STAT4: variants seen among roughly 807,000 people sequenced by gnomAD.
STAT4 encodes signal transducer and activator of transcription 4.
Under a neutral mutation model 110.5 loss-of-function variants are expected in STAT4, and 42 were observed. The observed-to-expected ratio is 0.38, with a 90% confidence interval of 0.30 to 0.49. The LOEUF is 0.49. Ranked by LOEUF, STAT4 falls within the 20% of genes least tolerant of loss-of-function variation. STAT4 has a pLI of 0.95. For synonymous variants in STAT4, 284 were observed against 302.2 expected (o/e 0.94, Z 0.63); for missense variants, 632 against 887.9 (o/e 0.71, Z 3.66).
At chr2:191,102,882 A>G (rs1195111750) in intron 3 of STAT4, among the ~76,000 whole-genome samples, 1 of 151,932 alleles carries the variant, frequency 6.6e-6, no homozygotes, top group Non-Finnish European at 1.5e-5. Flanking sequence ...TCTCATTTCC[A>G]TATACTATTT....
intron 3 of STAT4, among the ~76,000 whole-genome samples, chr2:191,085,864 C>CT (rs1436087427): frequency 1.3e-5 from 2 of 152,064 alleles, no homozygotes; most frequent in Non-Finnish European, 2.9e-5. Context: ...AATTTTATTA[C>CT]TTTTTTTGTT....
At chr2:191,130,776 A>G (rs1397980331) in intron 3 of STAT4, among the ~76,000 whole-genome samples, 1 of 151,668 alleles carries the variant, frequency 6.6e-6, no homozygotes, top group Non-Finnish European at 1.5e-5. Flanking sequence ...AAAGCCTGTT[A>G]TAATTTATAT....
intron 3 of STAT4, among the ~76,000 whole-genome samples, chr2:191,089,272 A>C (rs12612769): frequency 0.17 from 26,216 of 152,188 alleles, 2,692 homozygotes; most frequent in East Asian, 0.33. Flanking sequence ...TCACCAAAGA[A>C]GATATATAGA....
At chr2:191,034,525 G>T (rs1203842317) in intron 18 of STAT4, 23 bp downstream of exon 18, 8 of 1,590,620 alleles carry the variant, frequency 5.0e-6, no homozygotes, top group Non-Finnish European at 6.9e-6. Context: ...GTATCTAAAT[G>T]ATGTTTCCCC....
intron 3 of STAT4, among the ~76,000 whole-genome samples, chr2:191,101,213 GA>G (rs557896028): frequency 1.4e-3 from 210 of 152,076 alleles, no homozygotes; most frequent in Admixed American, 2.3e-3. Context: ...AAATAACTGA[GA>G]AAAAATCACC....
In STAT4 at chr2:191,131,755, A is replaced by C. The variant is rs1250881164; in HGVS notation, c.273+14858T>G. On this transcript the variant is annotated intron_variant, in intron 3 of 23. Coordinates refer to ENST00000392320, the MANE Select transcript of STAT4 (RefSeq NM_003151.4). ...GTATTAGAAGGAATAGATGGGTACT[A>C]AATTCCTGTATCTTGGTTTCCTCAA... 8.5e-6 allele frequency: 11 copies of C among 1,286,830 alleles called. No homozygotes were observed. In the South Asian group the frequency reaches 1.1e-4, roughly 12 times the overall value. 79.7% of individuals were successfully genotyped at this position (1,286,830 alleles called of 1,614,324 possible). A position where few individuals can be genotyped will look rare whatever the true frequency, so the allele number is the denominator to read the frequency against.
intron 2 of STAT4, 22 bp downstream of exon 2, chr2:191,148,054 G>C (rs747322182): frequency 6.2e-7 from 1 of 1,612,706 alleles, no homozygotes; most frequent in South Asian, 1.1e-5. Context: ...TCAACTTCTA[G>C]GGAAAATATG....
chr2:191,064,591 C>G (rs1696934642), intron 8 of STAT4, among the ~76,000 whole-genome samples: 1 of 152,214 alleles, frequency 6.6e-6, no homozygotes, highest in Middle Eastern at 3.2e-3. Flanking sequence ...GAAAATTAAG[C>G]ATTCAATGGA....
chr2:191,056,304 A>C (rs1489765896), intron 13 of STAT4, among the ~76,000 whole-genome samples: 1 of 152,202 alleles, frequency 6.6e-6, no homozygotes, highest in African/African-American at 2.4e-5. Context: ...TGGGAATCTT[A>C]AGAATTATGC....
At chr2:191,079,037 G>A (rs1313153532) in intron 3 of STAT4, among the ~76,000 whole-genome samples, 1 of 151,886 alleles carries the variant, frequency 6.6e-6, no homozygotes, top group Non-Finnish European at 1.5e-5. Flanking sequence ...GCTCTGCTGG[G>A]CCAGCTCTGT....
At position 191,043,375 on chromosome 2, in the gene STAT4, A is replaced by G. The variant is rs186901732; in HGVS notation, c.1252-2227T>C. Among the ~76,000 whole-genome samples the G allele has an allele frequency of 2.0e-4, 30 of 152,240 alleles. No homozygotes were observed. Among genetic ancestry groups the G allele is most frequent in the Non-Finnish European group, 1.5e-4 (10 of 68,036 alleles). On this transcript the variant is annotated intron_variant, in intron 14 of 23. Transcript: ENST00000392320. This position sits in a 1 kb window ranked among gnomAD's most constrained non-coding sequence, Gnocchi z 4.8. ...GAATTAATATATGAACTGCAGCAAC[A>G]AACTAACACAAGTTCTGGAAAGAGA...
At position 191,144,441 on chromosome 2, in the gene STAT4, G is replaced by A. The variant is rs1169686649; in HGVS notation, c.273+2172C>T. On this transcript the variant is annotated intron_variant, in intron 3 of 23. Transcript: ENST00000392320. The surrounding 1 kb of genome is among the most constrained non-coding windows in gnomAD (Gnocchi z 4.7). The stretch of plus-strand genomic sequence containing the variant: ...TGAGTCATTCAAGAGTGTGTGTGAC[G>A]TGTTCAGGAACAAGTAGTAGATCTA... Among the ~76,000 whole-genome samples, 2 of 152,116 alleles carry A rather than the reference G, an allele frequency of 1.3e-5. No individual in the cohort carries two copies. Among genetic ancestry groups the A allele is most frequent in the African/African-American group, 2.4e-5 (1 of 41,406 alleles).
chr2:191,143,021 A>G lies in STAT4; in HGVS notation c.273+3592T>C, dbSNP rs1699376894. On this transcript the variant is annotated intron_variant, in intron 3 of 23. Coordinates refer to ENST00000392320, the MANE Select transcript of STAT4 (RefSeq NM_003151.4). The surrounding 1 kb of genome is among the most constrained non-coding windows in gnomAD (Gnocchi z 5.6). ...CAATATTATTTCGTCAACTGTCACA[A>G]ATGTATGCTACCAATGCAAGACATG... is the stretch of plus-strand genomic sequence containing the variant. Among the ~76,000 whole-genome samples the G allele has an allele frequency of 6.6e-6, 1 of 152,206 alleles. No homozygotes were observed. The highest frequency in any genetic ancestry group is 1.5e-5 in the Non-Finnish European group (1 of 68,036).
intron 3 of STAT4, among the ~76,000 whole-genome samples, chr2:191,092,262 G>A (rs1697820071): frequency 6.6e-6 from 1 of 152,080 alleles, no homozygotes; most frequent in Non-Finnish European, 1.5e-5. Flanking sequence ...AAATTAGCCA[G>A]GCATGGTGGC....
chr2:191,034,814 C>A (rs1347064122), intron 17 of STAT4, among the ~76,000 whole-genome samples: 2 of 151,982 alleles, frequency 1.3e-5, no homozygotes, highest in Non-Finnish European at 2.9e-5. Context: ...GGTGGAGGAG[C>A]TAACAATGGC....
chr2:191,121,774 G>C (rs1698739273), intron 3 of STAT4, among the ~76,000 whole-genome samples: 1 of 145,952 alleles, frequency 6.9e-6, no homozygotes, highest in South Asian at 2.3e-4. Context: ...CCTGTTGTGG[G>C]GTGGGGGGAA....
chr2:191,065,564 T>A (rs3024847), intron 7 of STAT4, among the ~76,000 whole-genome samples: 68,153 of 152,048 alleles, frequency 0.45, 18,731 homozygotes, highest in Non-Finnish European at 0.6. Context: ...TTGTCAAAGT[T>A]CCTTCTCTTT....
Position 191,066,697 on chromosome 2 carries a change from G to A in STAT4, c.545-182C>T, listed in dbSNP as rs1164531033. On this transcript the variant is annotated intron_variant, in intron 6 of 23. Transcript: ENST00000392320. The surrounding 1 kb of genome is among the most constrained non-coding windows in gnomAD (Gnocchi z 4.3). ...TTTTGCCAGGGAGAATCACATCCAA[G>A]CATGCAAAAAAGGACCTCTTTATTT... Among the ~76,000 whole-genome samples the A allele has an allele frequency of 2.6e-5, 4 of 151,950 alleles. No homozygotes were observed. Among genetic ancestry groups the A allele is most frequent in the Admixed American group, 1.3e-4 (2 of 15,250 alleles).
At chr2:191,056,388 G>C (rs1318853054) in intron 13 of STAT4, among the ~76,000 whole-genome samples, 1 of 152,158 alleles carries the variant, frequency 6.6e-6, no homozygotes, top group Non-Finnish European at 1.5e-5. Context: ...ACAGGATGAG[G>C]CTGGGTCAGA....
Sources: allele counts gnomAD v4.1 joint callset (sites outside exome capture counted in the v4.1 genomes callset), GRCh38; gene constraint gnomAD v4.1.1; non-coding constraint Gnocchi (gnomAD v3.1); transcripts MANE v1.5; gene names NCBI Gene and HGNC (gene_info 2026-07-23, HGNC 2026-07-21).